Variants in EBF3 observed in about 807,000 individuals in gnomAD.
The protein encoded by EBF3 is transcription factor COE3.
In EBF3, 18 loss-of-function variants were observed where a neutral mutation model predicts 77.1. The ratio of observed to expected loss-of-function variants is 0.23; its 90% CI spans 0.16 to 0.35. The LOEUF (loss-of-function observed/expected upper bound fraction) is 0.35, where lower values mean the gene tolerates loss of function less well. Among genes scored for constraint, EBF3 ranks in the 10% least tolerant of loss-of-function variants. The pLI is 1.00. For synonymous variants in EBF3, 350 were observed against 343.5 expected, an observed-to-expected ratio of 1.02 and a Z score of -0.21; for missense variants, 558 against 860.0, an observed-to-expected ratio of 0.65 and a Z score of 4.39.
chr10:129,959,079 T>A, intron 4 of EBF3, 72 bp from the exon 5 acceptor site: 1 of 1,574,654 alleles, frequency 6.4e-7, no homozygotes, highest in Non-Finnish European at 8.6e-7. Flanking sequence ...CCCCGGGCGC[T>A]GCAGGCCTGG....
chr10:129,896,603 G>A (rs1447121302), intron 6 of EBF3, among the ~76,000 whole-genome samples: 3 of 152,202 alleles, frequency 2.0e-5, no homozygotes, highest in Admixed American at 6.5e-5. Context: ...GTGCTGGGGC[G>A]CGGCCTCCTG....
intron 4 of EBF3, among the ~76,000 whole-genome samples, chr10:129,961,845 CAG>C (rs995903806): frequency 7.2e-5 from 11 of 152,216 alleles, no homozygotes; most frequent in African/African-American, 2.2e-4. Context: ...TGATTCCTAG[CAG>C]AGAGAGAAGC....
At chr10:129,907,160 T>C (rs967633026) in intron 6 of EBF3, among the ~76,000 whole-genome samples, 17 of 152,194 alleles carry the variant, frequency 1.1e-4, no homozygotes, top group Non-Finnish European at 2.1e-4. Context: ...ACAACTGAAA[T>C]GAATACGGAT....
In EBF3 at chr10:129,938,728, C is replaced by G. The variant is rs1458933170; in HGVS notation, c.554+18530G>C. Among the ~76,000 whole-genome samples the G allele has an allele frequency of 6.6e-6, 1 of 152,184 alleles. No individual in the cohort carries two copies. The highest frequency in any genetic ancestry group is 1.5e-5 in the Non-Finnish European group (1 of 68,042). The stretch of plus-strand genomic sequence containing the variant: ...CGAGCACTGCCTTGTGTCCTGGGAC[C>G]TGGCCTGTGCTCCAAGCAAGTCAAG... On this transcript the variant is annotated intron_variant, in intron 6 of 16. Coordinates refer to ENST00000440978, the MANE Select transcript of EBF3 (RefSeq NM_001375380.1). This position sits in a 1 kb window ranked among gnomAD's most constrained non-coding sequence, Gnocchi z 5.1.
chr10:129,919,876 G>T (rs1400392456), intron 6 of EBF3, among the ~76,000 whole-genome samples: 1 of 152,166 alleles, frequency 6.6e-6, no homozygotes, highest in Non-Finnish European at 1.5e-5. Flanking sequence ...CCAGTGCCGG[G>T]CACCTGTAGA....
At chr10:129,843,821 T>C (rs1210870930) in intron 11 of EBF3, among the ~76,000 whole-genome samples, 1 of 152,256 alleles carries the variant, frequency 6.6e-6, no homozygotes, top group African/African-American at 2.4e-5. Flanking sequence ...TGACTGCATG[T>C]TGTAAAGGAC....
chr10:129,873,343 G>A (rs754368712), intron 8 of EBF3, 109 bp downstream of exon 8: 8 of 1,293,190 alleles, frequency 6.2e-6, no homozygotes, highest in Admixed American at 3.5e-5. Context: ...CAGGAGGTCT[G>A]ACCAAGGGCG....
In EBF3 at chr10:129,867,308, G is replaced by A. The variant is rs201146820; in HGVS notation, c.913-41C>T. 30 of 1,609,418 alleles carry A rather than the reference G, an allele frequency of 1.9e-5. No homozygotes were observed. The African/African-American group carries it at 3.1e-4, about 17-fold the overall frequency. ...GGTGAACAGGCGCTCAGCGGCGCTG[G>A]CTATGAGAGGCGGACACTTGCCAGT... On this transcript the variant is annotated intron_variant, in intron 9 of 16. Transcript: ENST00000440978.
In EBF3 at chr10:129,841,012, T is replaced by C; in HGVS notation, c.1393A>G (p.Ser465Gly). 1 of 1,611,012 alleles carries C rather than the reference T, an allele frequency of 6.2e-7. No homozygotes were observed. Among genetic ancestry groups the C allele is most frequent in the Middle Eastern group, 1.7e-4 (1 of 5,854 alleles). Residue 465 changes from serine (S) to glycine (G), a missense_variant, in exon 14 of 17, where the codon AGC becomes GGC. Ser to Gly is a moderately conservative substitution (Grantham distance 56, BLOSUM62 0). This residue lies in a region of EBF3 where 284 missense variants were observed against 368.3 expected (regional missense o/e 0.77). Coordinates refer to ENST00000440978, the MANE Select transcript of EBF3 (RefSeq NM_001375380.1). The surrounding 1 kb of genome is among the most constrained non-coding windows in gnomAD (Gnocchi z 4.6). ...NDQVGYSRNT[S>G]SVSPRGYVPS... Reference sequence around the variant, plus strand: ...ACGTAGCCTCGCGGGGACACGCTGCTTGTATTGCGACTGTAGCCGACTGTT... The same window carrying C: ...ACGTAGCCTCGCGGGGACACGCTGCCTGTATTGCGACTGTAGCCGACTGTT...
intron 10 of EBF3, among the ~76,000 whole-genome samples, chr10:129,852,882 T>C (rs1850992189): frequency 6.6e-6 from 1 of 152,084 alleles, no homozygotes; most frequent in African/African-American, 2.4e-5. Flanking sequence ...CTGTGGGAAA[T>C]CCACCCCCAA....
chr10:129,896,571 G>A (rs1177066296), intron 6 of EBF3, among the ~76,000 whole-genome samples: 1 of 152,188 alleles, frequency 6.6e-6, no homozygotes, highest in African/African-American at 2.4e-5. Context: ...CACAGCGAGT[G>A]GGGGGCTGGA....
chr10:129,915,692 T>C (rs1855841429), intron 6 of EBF3, among the ~76,000 whole-genome samples: 1 of 152,196 alleles, frequency 6.6e-6, no homozygotes, highest in Non-Finnish European at 1.5e-5. Context: ...CAATATTTTA[T>C]TTAAATATCC....
chr10:129,871,460 T>C (rs778941542), intron 8 of EBF3, among the ~76,000 whole-genome samples: 28 of 152,108 alleles, frequency 1.8e-4, no homozygotes, highest in African/African-American at 2.4e-4. Context: ...TATTAGATGA[T>C]TGGATAATGA....
intron 15 of EBF3, among the ~76,000 whole-genome samples, chr10:129,839,721 G>A (rs758329307): frequency 4.6e-5 from 7 of 152,202 alleles, no homozygotes; most frequent in African/African-American, 1.2e-4. Context: ...GCCCAGCCTC[G>A]GGACAACGAG....
intron 10 of EBF3, among the ~76,000 whole-genome samples, chr10:129,850,213 G>A (rs922090197): frequency 6.6e-6 from 1 of 152,246 alleles, no homozygotes; most frequent in East Asian, 1.9e-4. Flanking sequence ...TCGGCCTGAT[G>A]AAAGGTGATC....
rs888316541 is a variant in EBF3, at chr10:129,870,209, T to G, written c.782-2297A>C. On this transcript the variant is annotated intron_variant, in intron 8 of 16. Transcript: ENST00000440978. The surrounding 1 kb of genome is among the most constrained non-coding windows in gnomAD (Gnocchi z 4.4). ...ATAGCCATCTTCCTTCTGCCTGTAT[T>G]TGCATACATTTCAGTGCACATATAG... 2.6e-5 allele frequency among the ~76,000 whole-genome samples: 4 copies of G among 152,114 alleles called. No individual in the cohort carries two copies. The highest frequency in any genetic ancestry group is 5.9e-5 in the Non-Finnish European group (4 of 68,018).
Position 129,879,192 on chromosome 10 carries a change from G to C in EBF3, c.555-1343C>G, listed in dbSNP as rs865886688. Among the ~76,000 whole-genome samples the C allele has an allele frequency of 2.6e-5, 4 of 152,222 alleles. No homozygotes were observed. In the South Asian group the frequency reaches 8.3e-4, roughly 32 times the overall value. On this transcript the variant is annotated intron_variant, in intron 6 of 16. Coordinates refer to ENST00000440978, the MANE Select transcript of EBF3 (RefSeq NM_001375380.1). The surrounding 1 kb of genome is among the most constrained non-coding windows in gnomAD (Gnocchi z 4.7). ...TACCCACAGGAAAAGTGGGTGGGGG[G>C]GTTTCTCCCTGTATAACCTCTGCCT...
At chr10:129,857,215 A>G (rs1265072662) in intron 10 of EBF3, among the ~76,000 whole-genome samples, 1 of 152,210 alleles carries the variant, frequency 6.6e-6, no homozygotes, top group Non-Finnish European at 1.5e-5. Flanking sequence ...TAATGTAAAC[A>G]CTGGAATCCC....
Position 129,897,398 on chromosome 10 carries a change from C to T in EBF3, c.555-19549G>A, listed in dbSNP as rs1158500551. Reference sequence around the variant, plus strand: ...CAGAGCAGAGCCCAGCGGTGCCACCCATCTGGAAGGCGGTGCTGCAAAACC... The same window carrying T: ...CAGAGCAGAGCCCAGCGGTGCCACCTATCTGGAAGGCGGTGCTGCAAAACC... On this transcript the variant is annotated intron_variant, in intron 6 of 16. Coordinates refer to ENST00000440978, the MANE Select transcript of EBF3 (RefSeq NM_001375380.1). This position sits in a 1 kb window ranked among gnomAD's most constrained non-coding sequence, Gnocchi z 4.6. 2.0e-5 allele frequency among the ~76,000 whole-genome samples: 3 copies of T among 152,178 alleles called. No homozygotes were observed. Among genetic ancestry groups the T allele is most frequent in the Non-Finnish European group, 4.4e-5 (3 of 68,044 alleles).
Sources: allele counts gnomAD v4.1 joint callset (sites outside exome capture counted in the v4.1 genomes callset), GRCh38; gene constraint gnomAD v4.1.1; regional missense constraint gnomAD v4.1.1; non-coding constraint Gnocchi (gnomAD v3.1); transcripts MANE v1.5; gene names NCBI Gene and HGNC (gene_info 2026-07-23, HGNC 2026-07-21).